The following PTPRK variants were observed in gnomAD, a reference collection of about 807,000 sequenced individuals.
The protein encoded by PTPRK is receptor-type tyrosine-protein phosphatase kappa.
In PTPRK, 75 loss-of-function variants were observed where a neutral mutation model predicts 178.0. The observed-to-expected ratio is 0.42, with a 90% CI of 0.35 to 0.51. The LOEUF is 0.51. Among genes scored for constraint, PTPRK ranks in the 20% least tolerant of loss-of-function variants. The pLI is 0.02. For synonymous variants in PTPRK, 637 were observed against 620.6 expected (o/e 1.03, Z -0.39); for missense variants, 1,441 against 1,797.8 (o/e 0.80, Z 3.59).
chr6:128,148,913 C>A (rs1796873635), intron 7 of PTPRK, among the ~76,000 whole-genome samples: 1 of 151,960 alleles, frequency 6.6e-6, no homozygotes, highest in Non-Finnish European at 1.5e-5. Flanking sequence ...ATTCTAGGAT[C>A]ATATTATGCC....
At chr6:128,321,562 G>T in intron 3 of PTPRK, 1 of 424,702 alleles carries the variant, frequency 2.4e-6, no homozygotes, top group Non-Finnish European at 4.1e-6. Context: ...TAATGAAAAT[G>T]CCTCCCCCTT....
chr6:128,162,970 ATACT>A (rs1798901041), intron 7 of PTPRK, among the ~76,000 whole-genome samples: 2 of 151,668 alleles, frequency 1.3e-5, no homozygotes, highest in Admixed American at 6.6e-5. Context: ...TTTATATATA[ATACT>A]TAATGTTAAT....
chr6:128,044,081 C>T (rs575545107), intron 13 of PTPRK, among the ~76,000 whole-genome samples: 1 of 152,062 alleles, frequency 6.6e-6, no homozygotes, highest in Admixed American at 6.6e-5. Context: ...TCTACTATAT[C>T]AAATCCAACA....
At chr6:128,082,223 C>A (rs1784952016) in intron 10 of PTPRK, among the ~76,000 whole-genome samples, 1 of 152,112 alleles carries the variant, frequency 6.6e-6, no homozygotes, top group Non-Finnish European at 1.5e-5. Context: ...TTTAAGACCA[C>A]TGTCAATCAA....
chr6:128,127,288 C>T (rs1423413945), intron 7 of PTPRK, among the ~76,000 whole-genome samples: 1 of 152,140 alleles, frequency 6.6e-6, no homozygotes, highest in Non-Finnish European at 1.5e-5. Flanking sequence ...TTTTGCCTTT[C>T]TACATAAACT....
chr6:128,151,591 C>T (rs1583234955), intron 7 of PTPRK, among the ~76,000 whole-genome samples: 1 of 151,972 alleles, frequency 6.6e-6, no homozygotes, highest in Non-Finnish European at 1.5e-5. Flanking sequence ...CACATATACA[C>T]ACCTATTTGT....
intron 3 of PTPRK, among the ~76,000 whole-genome samples, chr6:128,300,052 A>C (rs1440417745): frequency 6.6e-6 from 1 of 152,230 alleles, no homozygotes; most frequent in African/African-American, 2.4e-5. Flanking sequence ...CCCAACAAAA[A>C]GTGGGCAAAG....
At chr6:128,443,373 A>G (rs537591972) in intron 1 of PTPRK, among the ~76,000 whole-genome samples, 1 of 152,082 alleles carries the variant, frequency 6.6e-6, no homozygotes, top group Non-Finnish European at 1.5e-5. Flanking sequence ...AGGAGGGAAT[A>G]AGGGATGCGG....
chr6:128,157,939 A>C (rs1344812400), intron 7 of PTPRK, among the ~76,000 whole-genome samples: 1 of 151,906 alleles, frequency 6.6e-6, no homozygotes. Flanking sequence ...TCTTTAGTTT[A>C]ATTAGATCCC....
chr6:128,164,064 C>T (rs1055750874), intron 7 of PTPRK, among the ~76,000 whole-genome samples: 3 of 151,250 alleles, frequency 2.0e-5, no homozygotes, highest in Non-Finnish European at 4.4e-5. Flanking sequence ...CACCCAAATC[C>T]CTCACTCCTT....
At position 127,996,908 on chromosome 6, in the gene PTPRK, A is replaced by G. The variant is rs774466780; in HGVS notation, c.2760T>C (p.Ile920=). Residue 920 remains isoleucine (I), a synonymous_variant, in exon 17 of 30, where the codon ATT becomes ATC. Transcript: ENST00000368226. ...AATTGAATGGGAACTTACATGCTAT[A>G]ATGTTTCCATATCGGTTTTTTGCTC... ...QNRAKNRYGN[I]IAYDHSRVIL... is the part of the protein sequence containing the mutation. 1 of 1,610,044 alleles carries G rather than the reference A, an allele frequency of 6.2e-7. No individual in the cohort carries two copies. Among genetic ancestry groups the G allele is most frequent in the South Asian group, 1.1e-5 (1 of 90,590 alleles).
chr6:128,330,156 C>G (rs1287258875), intron 2 of PTPRK, among the ~76,000 whole-genome samples: 1 of 152,128 alleles, frequency 6.6e-6, no homozygotes, highest in African/African-American at 2.4e-5. Flanking sequence ...CATGCCCAGA[C>G]AGCTTAAGAA....
chr6:128,070,073 G>A (rs1582844314), intron 11 of PTPRK, among the ~76,000 whole-genome samples: 1 of 151,990 alleles, frequency 6.6e-6, no homozygotes, highest in African/African-American at 2.4e-5. Flanking sequence ...TTAAGAAAAT[G>A]ATTTCCACAT....
intron 5 of PTPRK, among the ~76,000 whole-genome samples, chr6:128,229,004 T>G (rs1007473947): frequency 6.6e-6 from 1 of 152,162 alleles, no homozygotes; most frequent in African/African-American, 2.4e-5. Context: ...CACAAAAAAC[T>G]ATTATCAACA....
intron 8 of PTPRK, among the ~76,000 whole-genome samples, chr6:128,088,091 A>T (rs1786259664): frequency 6.6e-6 from 1 of 152,166 alleles, no homozygotes; most frequent in African/African-American, 2.4e-5. Context: ...ATAAAAATGT[A>T]GCCCCGCTGG....
intron 1 of PTPRK, among the ~76,000 whole-genome samples, chr6:128,445,813 T>C (rs1846936519): frequency 6.6e-6 from 1 of 152,142 alleles, no homozygotes; most frequent in Non-Finnish European, 1.5e-5. Flanking sequence ...AAATAATGGC[T>C]ATTGGATGGG....
At chr6:128,002,528 G>T (rs1197440551) in intron 15 of PTPRK, among the ~76,000 whole-genome samples, 1 of 151,808 alleles carries the variant, frequency 6.6e-6, no homozygotes, top group Non-Finnish European at 1.5e-5. Flanking sequence ...ATATAGGTAG[G>T]TTTAAAAATT....
At chr6:128,000,286 T>G (rs752872375) in intron 15 of PTPRK, 2 of 1,293,792 alleles carry the variant, frequency 1.5e-6, no homozygotes, top group Admixed American at 2.5e-5. Flanking sequence ...AAATAGGATA[T>G]AGCAAAAAAT....
chr6:128,120,772 G>GA (rs1792329834), intron 7 of PTPRK, among the ~76,000 whole-genome samples: 1 of 151,954 alleles, frequency 6.6e-6, no homozygotes, highest in African/African-American at 2.4e-5. Context: ...ATTTCAACAT[G>GA]TACTTAATTT....
Sources: allele counts gnomAD v4.1 joint callset (sites outside exome capture counted in the v4.1 genomes callset), GRCh38; gene constraint gnomAD v4.1.1; transcripts MANE v1.5; gene names NCBI Gene and HGNC (gene_info 2026-07-23, HGNC 2026-07-21).